REL: variants seen among roughly 807,000 people sequenced by gnomAD.
The protein encoded by REL is proto-oncogene c-Rel.
REL carries 15 observed loss-of-function variants against 45.9 expected under a neutral mutation model. The observed-to-expected ratio is 0.33, with a 90% confidence interval of 0.22 to 0.50. REL has a LOEUF of 0.50. Among genes scored for constraint, REL ranks in the 20% least tolerant of loss-of-function variants. The pLI, the probability that REL is intolerant of heterozygous loss-of-function variation, is 0.98. For synonymous variants in REL, 239 were observed against 242.1 expected (o/e 0.99, Z 0.12); for missense variants, 601 against 715.2 (o/e 0.84, Z 1.82).
At chr2:60,911,207 G>A (rs1392972931) in intron 4 of REL, 1 of 152,100 alleles carries the variant, frequency 6.6e-6, no homozygotes, top group African/African-American at 2.4e-5. Flanking sequence ...GCATAGGATT[G>A]AAAAATGAGG....
At chr2:60,885,427 T>G (rs1393188117) in intron 1 of REL, among the ~76,000 whole-genome samples, 4 of 152,078 alleles carry the variant, frequency 2.6e-5, no homozygotes, top group African/African-American at 9.7e-5. Flanking sequence ...GTGCAAGAGT[T>G]TTTTCAAGAC....
intron 4 of REL, among the ~76,000 whole-genome samples, chr2:60,904,919 A>T (rs1389569745): frequency 1.3e-5 from 2 of 152,130 alleles, no homozygotes; most frequent in Non-Finnish European, 2.9e-5. Context: ...TAATTTGTTC[A>T]AGGTTATATA....
At position 60,917,528 on chromosome 2, in the gene REL, T is replaced by TG. The variant is rs552254399; in HGVS notation, c.535+513dup. ...CATATTCTTGTATATTTTTTTTTAT[T>TG]GGTTTTTTTTTTTTTTTTGGAGACA... On this transcript the variant is annotated intron_variant, in intron 5 of 9. Transcript: ENST00000394479. 4.3e-4 allele frequency among the ~76,000 whole-genome samples: 58 copies of TG among 135,654 alleles called. 1 individual carries two copies. In the South Asian group the frequency reaches 0.01, roughly 24 times the overall value. 89.0% of individuals were successfully genotyped at this position (135,654 alleles called of 152,430 possible).
Position 60,922,068 on chromosome 2 carries a change from A to G in REL, c.1297A>G (p.Asn433Asp), listed in dbSNP as rs1156401459. 6.2e-7 allele frequency: 1 copy of G among 1,614,224 alleles called. No individual in the cohort carries two copies. Among genetic ancestry groups the G allele is most frequent in the Non-Finnish European group, 8.5e-7 (1 of 1,180,042 alleles). ...LNASNACIYNNADDIVGMEAS... is the reference protein window; with the variant it reads ...LNASNACIYNDADDIVGMEAS... ...TGCTTCTAATGCTTGCATTTACAAC[A>G]ATGCCGATGACATAGTCGGAATGGA... The change falls in exon 10 of 10, where the codon AAT becomes GAT. Residue 433 changes from asparagine to aspartate, a missense_variant. Physicochemically the swap from Asn to Asp is conservative, Grantham distance 23. Around this residue, in one of 4 missense-constraint regions of REL, gnomAD observed 334 missense variants for 333.1 expected, o/e 1.00. Transcript: ENST00000394479.
Position 60,926,189 on chromosome 2 carries a change from G to C in REL, c.*3654G>C, listed in dbSNP as rs985751773. 3 of 230,770 alleles carry C rather than the reference G, an allele frequency of 1.3e-5. No individual in the cohort carries two copies. In the Admixed American group the frequency reaches 1.7e-4, roughly 13 times the overall value. 14.3% of individuals were successfully genotyped at this position (230,770 alleles called of 1,614,324 possible). A position where few individuals can be genotyped will look rare whatever the true frequency, so the allele number is the denominator to read the frequency against. On this transcript the variant is annotated 3_prime_UTR_variant, in exon 10 of 10. Transcript: ENST00000394479. ...TACTTTATCCTTACATCACCACTTAGTGATTCCTTTCTTTGTATAAACATG... is the reference window on the plus strand; with the variant it reads ...TACTTTATCCTTACATCACCACTTACTGATTCCTTTCTTTGTATAAACATG...
At chr2:60,921,050 T>A (rs1674127361) in intron 9 of REL, among the ~76,000 whole-genome samples, 1 of 152,114 alleles carries the variant, frequency 6.6e-6, no homozygotes, top group Admixed American at 6.6e-5. Context: ...CAACAGAGGC[T>A]GTATATAGCT....
chr2:60,888,611 A>C (rs1673129667), intron 1 of REL, among the ~76,000 whole-genome samples: 1 of 152,212 alleles, frequency 6.6e-6, no homozygotes, highest in Non-Finnish European at 1.5e-5. Flanking sequence ...AATAAGGATT[A>C]TGAACTTGTT....
At chr2:60,888,627 TAA>T (rs1673130088) in intron 1 of REL, among the ~76,000 whole-genome samples, 1 of 152,226 alleles carries the variant, frequency 6.6e-6, no homozygotes, top group South Asian at 2.1e-4. Context: ...TTGTTTAGGT[TAA>T]AGTCAGTTTT....
At chr2:60,886,625 T>G (rs1047545213) in intron 1 of REL, among the ~76,000 whole-genome samples, 2 of 152,196 alleles carry the variant, frequency 1.3e-5, no homozygotes, top group Non-Finnish European at 2.9e-5. Flanking sequence ...AATAATGTTA[T>G]AATTACAATA....
rs1026386938 is a variant in REL at position 60,926,994 on chromosome 2, C to T, written c.*4459C>T. ...CTCCATACCTTTAGCATGTTACCCACTCTGCCTCTGCTCTTCTGGAACTAG... is the reference window on the plus strand; with the variant it reads ...CTCCATACCTTTAGCATGTTACCCATTCTGCCTCTGCTCTTCTGGAACTAG... On this transcript the variant is annotated 3_prime_UTR_variant, in exon 10 of 10. Transcript: ENST00000394479. The T allele has an allele frequency of 9.2e-5, 21 of 227,222 alleles. No homozygotes were observed. Among genetic ancestry groups the T allele is most frequent in the Non-Finnish European group, 1.7e-4 (19 of 114,234 alleles). The allele number at this position is 227,222 out of a possible 1,614,324, so 14.1% of individuals were successfully genotyped here.
In REL at chr2:60,920,653, T is replaced by C; in HGVS notation, c.991+11T>C. On this transcript the variant is annotated intron_variant, in intron 9 of 9. Coordinates refer to ENST00000394479, the MANE Select transcript of REL (RefSeq NM_001291746.2). ...GATACTTCAAAAAAGGTATTTTATTTCCTATAGCATATTTCTTGTGATCAG... is the reference window on the plus strand; with the variant it reads ...GATACTTCAAAAAAGGTATTTTATTCCCTATAGCATATTTCTTGTGATCAG... 1 of 1,519,658 alleles carries C rather than the reference T, an allele frequency of 6.6e-7. No homozygotes were observed. Among genetic ancestry groups the C allele is most frequent in the Non-Finnish European group, 9.1e-7 (1 of 1,096,842 alleles). 94.1% of individuals were successfully genotyped at this position (1,519,658 alleles called of 1,614,324 possible).
At chr2:60,892,051 A>G (rs556349434) in intron 2 of REL, among the ~76,000 whole-genome samples, 8 of 152,080 alleles carry the variant, frequency 5.3e-5, no homozygotes, top group African/African-American at 9.6e-5. Flanking sequence ...AGATAGTTCT[A>G]TGGTGCTTGT....
rs1183925758 is a variant in REL, at chr2:60,930,686, A to G, written c.*8151A>G. ...CTATTAATAAACAAAATACAGATCA[A>G]AGTTTTCAAAAGTAATCACTCTATT... On this transcript the variant is annotated 3_prime_UTR_variant, in exon 10 of 10. Transcript: ENST00000394479. The G allele has an allele frequency of 6.6e-6, 1 of 152,320 alleles. No individual in the cohort carries two copies. Among genetic ancestry groups the G allele is most frequent in the Non-Finnish European group, 1.5e-5 (1 of 68,024 alleles). The allele number at this position is 152,320 out of a possible 1,614,324, so 9.4% of individuals were successfully genotyped here. A position where few individuals can be genotyped will look rare whatever the true frequency, so the allele number is the denominator to read the frequency against.
intron 3 of REL, among the ~76,000 whole-genome samples, chr2:60,898,171 C>A (rs1673403433): frequency 6.6e-6 from 1 of 152,218 alleles, no homozygotes; most frequent in South Asian, 2.1e-4. Flanking sequence ...CTTGCATTAA[C>A]CATTTTGTAC....
At chr2:60,903,357 G>T (rs1673549742) in intron 4 of REL, among the ~76,000 whole-genome samples, 1 of 152,166 alleles carries the variant, frequency 6.6e-6, no homozygotes, top group Non-Finnish European at 1.5e-5. Context: ...GATGCTGTCT[G>T]TGGAATTTCT....
chr2:60,907,651 A>C, intron 4 of REL, among the ~76,000 whole-genome samples: 1 of 151,862 alleles, frequency 6.6e-6, no homozygotes. Context: ...AACAAACTAA[A>C]ACGGTTGAAA....
chr2:60,884,863 G>T (rs1212733469), intron 1 of REL, among the ~76,000 whole-genome samples: 1 of 152,066 alleles, frequency 6.6e-6, no homozygotes, highest in Non-Finnish European at 1.5e-5. Context: ...TGTTTTTCTC[G>T]ATTAAAGGGG....
At chr2:60,888,962 C>CT (rs1673137481) in intron 1 of REL, among the ~76,000 whole-genome samples, 1 of 152,154 alleles carries the variant, frequency 6.6e-6, no homozygotes, top group Non-Finnish European at 1.5e-5. Context: ...ACATTGCTTT[C>CT]TTTTTTCTAT....
chr2:60,882,506 C>T (rs1212222967), intron 1 of REL, among the ~76,000 whole-genome samples: 2 of 152,042 alleles, frequency 1.3e-5, no homozygotes, highest in Non-Finnish European at 2.9e-5. Flanking sequence ...GAAACCCCGT[C>T]TCTACTAAAA....
Sources: gnomAD v4.1 joint callset for allele counts (sites outside exome capture counted in the v4.1 genomes callset) on GRCh38, gnomAD v4.1.1 for gene constraint, gnomAD v4.1.1 regional missense constraint, MANE v1.5 for transcripts, NCBI Gene and HGNC (gene_info 2026-07-23, HGNC 2026-07-21) for gene names.